Variants in TRAF3IP2 observed in about 807,000 individuals in gnomAD.
TRAF3IP2 encodes the protein E3 ubiquitin ligase TRAF3IP2.
In TRAF3IP2, 35 loss-of-function variants were observed where a neutral mutation model predicts 57.9. The ratio of observed to expected loss-of-function variants is 0.60; its 90% CI spans 0.46 to 0.80. The LOEUF (loss-of-function observed/expected upper bound fraction) is 0.80. Among genes scored for constraint, TRAF3IP2 ranks in the 30% least tolerant of loss-of-function variants. TRAF3IP2 has a pLI of 0.00. For missense variants in TRAF3IP2, 556 were observed against 706.4 expected, an observed-to-expected ratio of 0.79 and a Z score of 2.41; for synonymous variants, 251 against 268.9, an observed-to-expected ratio of 0.93 and a Z score of 0.65.
intron 6 of TRAF3IP2, chr6:111,566,940 T>C (rs1795660936): frequency 2.9e-6 from 1 of 342,122 alleles, no homozygotes; most frequent in African/African-American, 2.2e-5. Flanking sequence ...TGCCAGTCAC[T>C]GCACTCGACT....
intron 2 of TRAF3IP2, among the ~76,000 whole-genome samples, chr6:111,585,926 T>G (rs1796316971): frequency 6.6e-6 from 1 of 152,216 alleles, no homozygotes; most frequent in Admixed American, 6.5e-5. Flanking sequence ...TTTTACCATT[T>G]GGAATATGTA....
At chr6:111,601,291 G>A in intron 1 of TRAF3IP2, 1 of 719,468 alleles carries the variant, frequency 1.4e-6, no homozygotes, top group South Asian at 1.5e-5. Context: ...GCCATCACAA[G>A]AGGATACAGA....
At chr6:111,583,549 G>C (rs546096475) in intron 2 of TRAF3IP2, among the ~76,000 whole-genome samples, 1 of 152,188 alleles carries the variant, frequency 6.6e-6, no homozygotes, top group Non-Finnish European at 1.5e-5. Context: ...GATCTAGGCT[G>C]CACGCTCCTT....
intron 5 of TRAF3IP2, among the ~76,000 whole-genome samples, chr6:111,570,952 A>G (rs1265673351): frequency 6.6e-6 from 1 of 151,420 alleles, no homozygotes; most frequent in Non-Finnish European, 1.5e-5. Context: ...CCCAGGCTGG[A>G]TTGGAGTGCA....
chr6:111,592,494 G>A (rs1370246212), intron 1 of TRAF3IP2, among the ~76,000 whole-genome samples: 3 of 152,172 alleles, frequency 2.0e-5, no homozygotes, highest in African/African-American at 7.2e-5. Flanking sequence ...AAGATATATT[G>A]AGTTTTTTTT....
At chr6:111,575,022 G>C (rs2128375313) in intron 4 of TRAF3IP2, among the ~76,000 whole-genome samples, 1 of 152,094 alleles carries the variant, frequency 6.6e-6, no homozygotes, top group East Asian at 1.9e-4. Context: ...AGCAGTTTGA[G>C]ACCAGCCTGG....
intron 5 of TRAF3IP2, among the ~76,000 whole-genome samples, chr6:111,570,641 CA>C (rs1795798279): frequency 6.6e-6 from 1 of 152,194 alleles, no homozygotes; most frequent in African/African-American, 2.4e-5. Context: ...GATAAACAAA[CA>C]AAACCTAAGC....
intron 1 of TRAF3IP2, chr6:111,600,142 T>C (rs1457949220): frequency 6.6e-6 from 1 of 152,200 alleles, no homozygotes; most frequent in African/African-American, 2.4e-5. Context: ...CTGGCACATA[T>C]CAAGCTCTTA....
chr6:111,580,098 G>T, intron 3 of TRAF3IP2, 99 bp downstream of exon 3: 1 of 1,411,586 alleles, frequency 7.1e-7, no homozygotes, highest in Non-Finnish European at 9.6e-7. Context: ...CACTAACGTG[G>T]GTTAGCAAAC....
chr6:111,601,989 G>T (rs1156768424), intron 1 of TRAF3IP2: 1 of 152,196 alleles, frequency 6.6e-6, no homozygotes, highest in African/African-American at 2.4e-5. Context: ...AAACTCCAAT[G>T]AACAAATACT....
intron 1 of TRAF3IP2, among the ~76,000 whole-genome samples, chr6:111,604,109 G>A (rs1032598060): frequency 9.9e-5 from 15 of 152,114 alleles, no homozygotes; most frequent in African/African-American, 3.1e-4. Context: ...AACATGACAC[G>A]GACTACACCA....
In TRAF3IP2 at chr6:111,575,653, T is replaced by C. The variant is rs1186327245; in HGVS notation, c.1191A>G (p.Pro397=). Residue 397 remains proline (P), a synonymous_variant, in exon 4 of 9, where the codon CCA becomes CCG. Transcript: ENST00000368761. ...ARGTLKTSNL[P]EELRKVFITY... ...TTGCAAACAACTTACGCAATTCTTC[T>C]GGCAAATTGCTTGTTTTTAGAGTTC... The C allele has an allele frequency of 2.5e-6, 4 of 1,611,404 alleles. No individual in the cohort carries two copies. The highest frequency in any genetic ancestry group is 1.1e-5 in the South Asian group (1 of 90,930).
At chr6:111,579,199 C>T (rs1045431941) in intron 3 of TRAF3IP2, among the ~76,000 whole-genome samples, 4 of 150,848 alleles carry the variant, frequency 2.7e-5, no homozygotes, top group Admixed American at 1.3e-4. Context: ...CGTGATGGCG[C>T]GCAGCTACCC....
At chr6:111,569,751 G>A (rs562876912) in intron 5 of TRAF3IP2, among the ~76,000 whole-genome samples, 11 of 152,088 alleles carry the variant, frequency 7.2e-5, no homozygotes, top group South Asian at 4.1e-4. Flanking sequence ...GCAAGACCCC[G>A]TCTCAAAAAA....
chr6:111,564,475 T>A (rs1312057724), intron 7 of TRAF3IP2, among the ~76,000 whole-genome samples: 1 of 152,168 alleles, frequency 6.6e-6, no homozygotes, highest in East Asian at 1.9e-4. Flanking sequence ...GCATTTTTAT[T>A]TTCTCTCACC....
chr6:111,585,480 TG>T (rs1288898795), intron 2 of TRAF3IP2, among the ~76,000 whole-genome samples: 1 of 152,262 alleles, frequency 6.6e-6, no homozygotes. Context: ...GCCAGGCACT[TG>T]GTGAACAAAG....
At chr6:111,589,345 G>T (rs1796436606) in intron 2 of TRAF3IP2, among the ~76,000 whole-genome samples, 1 of 152,120 alleles carries the variant, frequency 6.6e-6, no homozygotes. Flanking sequence ...ATTACAAAGT[G>T]GGGTGAGCCA....
intron 8 of TRAF3IP2, among the ~76,000 whole-genome samples, chr6:111,560,558 A>C (rs1243231053): frequency 6.6e-6 from 1 of 152,198 alleles, no homozygotes; most frequent in East Asian, 1.9e-4. Context: ...AGGATGCCCA[A>C]ATGAAAAGGA....
chr6:111,566,946 C>T (rs977286636), intron 6 of TRAF3IP2: 2 of 338,696 alleles, frequency 5.9e-6, no homozygotes, highest in Non-Finnish European at 1.1e-5. Flanking sequence ...TCACTGCACT[C>T]GACTGCCCTG....
Sources: gnomAD v4.1 joint callset for allele counts (sites outside exome capture counted in the v4.1 genomes callset) on GRCh38, gnomAD v4.1.1 for gene constraint, MANE v1.5 for transcripts, NCBI Gene and HGNC (gene_info 2026-07-23, HGNC 2026-07-21) for gene names.